Variants in COL22A1 observed in about 807,000 individuals in gnomAD.
The protein encoded by COL22A1 is collagen alpha-1(XXII) chain.
Under a neutral mutation model 248.9 loss-of-function variants are expected in COL22A1, and 221 were observed. That is an observed-to-expected ratio of 0.89 (90% confidence interval 0.80 to 0.99). The LOEUF (loss-of-function observed/expected upper bound fraction) is 0.99, where lower values mean the gene tolerates loss of function less well. COL22A1 is among the 50% of genes least tolerant of loss of function. The pLI, the probability that COL22A1 is intolerant of heterozygous loss-of-function variation, is 0.00. For synonymous variants in COL22A1, 891 were observed against 793.4 expected (o/e 1.12, Z -2.07); for missense variants, 2,240 against 2,179.0 (o/e 1.03, Z -0.56).
rs541767107 is a variant in COL22A1, at chr8:138,859,681, C to T, written c.659-15523G>A. ...CGCCACCCCCCCACACACTTACTCT[C>T]CTCCTTCCAGGGCACCCACTGAGGT... On this transcript the variant is annotated intron_variant, in intron 3 of 64. Transcript: ENST00000303045. 2.6e-5 allele frequency among the ~76,000 whole-genome samples: 4 copies of T among 152,306 alleles called. No homozygotes were observed. The East Asian group carries it at 5.8e-4, about 22-fold the overall frequency.
At chr8:138,750,683 C>T (rs1832519394) in intron 22 of COL22A1, among the ~76,000 whole-genome samples, 1 of 152,206 alleles carries the variant, frequency 6.6e-6, no homozygotes, top group South Asian at 2.1e-4. Context: ...CCTGGAGCTA[C>T]CTGCCCATCT....
intron 59 of COL22A1, among the ~76,000 whole-genome samples, chr8:138,603,004 G>A (rs1263225739): frequency 3.9e-5 from 6 of 152,230 alleles, no homozygotes; most frequent in East Asian, 3.8e-4. Context: ...TGATATTGGC[G>A]AAGGAAATTC....
intron 60 of COL22A1, 60 bp from the exon 61 acceptor site, chr8:138,598,958 G>A: frequency 6.5e-7 from 1 of 1,548,714 alleles, no homozygotes; most frequent in African/African-American, 1.4e-5. Flanking sequence ...ACCCCATGCA[G>A]CTGCAAAAGG....
At chr8:138,732,644 C>T (rs560516071) in intron 23 of COL22A1, among the ~76,000 whole-genome samples, 1 of 152,308 alleles carries the variant, frequency 6.6e-6, no homozygotes, top group African/African-American at 2.4e-5. Context: ...TAATGAGTAA[C>T]AAATTAGTCA....
intron 47 of COL22A1, among the ~76,000 whole-genome samples, chr8:138,643,090 T>C (rs989450174): frequency 6.6e-6 from 1 of 151,596 alleles, no homozygotes; most frequent in African/African-American, 2.4e-5. Flanking sequence ...GCCAGCAAGT[T>C]GACAGCAAAG....
chr8:138,737,579 T>G lies in COL22A1; in HGVS notation c.2086-2A>C, dbSNP rs763892110. 8 of 1,607,276 alleles carry G rather than the reference T, an allele frequency of 5.0e-6. No individual in the cohort carries two copies. Among genetic ancestry groups the G allele is most frequent in the Non-Finnish European group, 6.8e-6 (8 of 1,174,318 alleles). On this transcript the variant is annotated splice_acceptor_variant, in intron 22 of 64. Coordinates refer to ENST00000303045, the MANE Select transcript of COL22A1 (RefSeq NM_152888.3). LOFTEE classifies it high-confidence loss of function. ...TGGTCCCATGTCACCTTTCTTCCCCTGAGTGTAAAAGAAGAAGCTAAAATT... is the reference window on the plus strand; with the variant it reads ...TGGTCCCATGTCACCTTTCTTCCCCGGAGTGTAAAAGAAGAAGCTAAAATT...
chr8:138,703,244 G>C (rs887771468), intron 31 of COL22A1, 62 bp downstream of exon 31: 34 of 1,390,286 alleles, frequency 2.4e-5, no homozygotes, highest in Non-Finnish European at 3.4e-5. Flanking sequence ...GTTGCTGGAG[G>C]GGGAGTACGA....
Position 138,694,926 on chromosome 8 carries a change from C to T in COL22A1, c.2593-47G>A, listed in dbSNP as rs780774630. On this transcript the variant is annotated intron_variant, in intron 32 of 64. Coordinates refer to ENST00000303045, the MANE Select transcript of COL22A1 (RefSeq NM_152888.3). Reference sequence around the variant, plus strand: ...TAGAGTGGACTTCAGGGAGAACTGCCCCTCGTCACAGGGTACATGTCCCCA... The same window carrying T: ...TAGAGTGGACTTCAGGGAGAACTGCTCCTCGTCACAGGGTACATGTCCCCA... 3.8e-5 allele frequency: 61 copies of T among 1,589,872 alleles called. No homozygotes were observed. The Middle Eastern group carries it at 1.7e-3, about 44-fold the overall frequency.
At chr8:138,622,281 C>G (rs1215359094) in intron 52 of COL22A1, among the ~76,000 whole-genome samples, 1 of 152,176 alleles carries the variant, frequency 6.6e-6, no homozygotes, top group Non-Finnish European at 1.5e-5. Flanking sequence ...TACCCAGCAA[C>G]TCTGGCAAGT....
intron 7 of COL22A1, among the ~76,000 whole-genome samples, chr8:138,818,534 G>A (rs558438702): frequency 1.3e-5 from 2 of 152,186 alleles, no homozygotes; most frequent in African/African-American, 4.8e-5. Context: ...GTTTGCAAAT[G>A]GACCTGGAAG....
chr8:138,812,060 T>A (rs1818283769), intron 8 of COL22A1, 139 bp from the exon 9 acceptor site: 2 of 1,071,134 alleles, frequency 1.9e-6, no homozygotes, highest in East Asian at 5.4e-5. Flanking sequence ...TCCTGAGGCC[T>A]TGGGGCAGAA....
chr8:138,654,355 G>A (rs1333146529), intron 45 of COL22A1, among the ~76,000 whole-genome samples: 10 of 152,234 alleles, frequency 6.6e-5, no homozygotes, highest in African/African-American at 2.2e-4. Flanking sequence ...AACAAAAACT[G>A]GTAAAGATTG....
At chr8:138,830,657 T>A (rs1339079492) in intron 5 of COL22A1, among the ~76,000 whole-genome samples, 1 of 152,242 alleles carries the variant, frequency 6.6e-6, no homozygotes, top group African/African-American at 2.4e-5. Flanking sequence ...GCTTTGCTCT[T>A]TGATGCAAGT....
At position 138,679,690 on chromosome 8, in the gene COL22A1, A is replaced by G; in HGVS notation, c.3013-14T>C. 1 of 1,612,572 alleles carries G rather than the reference A, an allele frequency of 6.2e-7. No homozygotes were observed. Among genetic ancestry groups the G allele is most frequent in the South Asian group, 1.1e-5 (1 of 91,044 alleles). ...TCCGCAAGCAGCCTGAAAGTAGAAA[A>G]TCTTCACTCATTTCTTCACCAAACA... is the stretch of plus-strand genomic sequence containing the variant. On this transcript the variant is annotated splice_polypyrimidine_tract_variant and intron_variant, in intron 39 of 64. Coordinates refer to ENST00000303045, the MANE Select transcript of COL22A1 (RefSeq NM_152888.3).
At chr8:138,690,692 C>G (rs1017764112) in intron 36 of COL22A1, 129 bp downstream of exon 36, 1 of 687,480 alleles carries the variant, frequency 1.5e-6, no homozygotes, top group African/African-American at 1.8e-5. Context: ...ACAGCAGTGT[C>G]TCCGTCTGGA....
chr8:138,796,067 T>C (rs980124298), intron 12 of COL22A1, among the ~76,000 whole-genome samples: 2 of 152,158 alleles, frequency 1.3e-5, no homozygotes, highest in Non-Finnish European at 2.9e-5. Context: ...AAAACGATAA[T>C]TTTTTGTTTC....
chr8:138,750,632 A>G (rs1832516533), intron 22 of COL22A1, among the ~76,000 whole-genome samples: 1 of 152,174 alleles, frequency 6.6e-6, no homozygotes, highest in African/African-American at 2.4e-5. Flanking sequence ...CTACCCACCC[A>G]TCAGTGGTGT....
intron 12 of COL22A1, among the ~76,000 whole-genome samples, chr8:138,783,546 T>C (rs1209116092): frequency 6.6e-6 from 1 of 152,156 alleles, no homozygotes; most frequent in East Asian, 1.9e-4. Context: ...GATTAGATGG[T>C]GCCCACCTAG....
intron 5 of COL22A1, among the ~76,000 whole-genome samples, chr8:138,832,381 C>G (rs913167784): frequency 6.6e-6 from 1 of 152,188 alleles, no homozygotes; most frequent in African/African-American, 2.4e-5. Flanking sequence ...GATTGGGTAA[C>G]AATGTCATTT....
Sources: allele counts gnomAD v4.1 joint callset (sites outside exome capture counted in the v4.1 genomes callset), GRCh38; gene constraint gnomAD v4.1.1; transcripts MANE v1.5; gene names NCBI Gene and HGNC (gene_info 2026-07-23, HGNC 2026-07-21).